The following ALG13 variants were observed in gnomAD, a reference collection of about 807,000 sequenced individuals.
ALG13 encodes ALG13 UDP-N-acetylglucosaminyltransferase subunit.
Under a neutral mutation model 87.8 loss-of-function variants are expected in ALG13, and 11 were observed. The observed-to-expected ratio is 0.13, with a 90% confidence interval of 0.08 to 0.21. The LOEUF (loss-of-function observed/expected upper bound fraction) is 0.21. Ranked by LOEUF, ALG13 falls within the 10% of genes least tolerant of loss-of-function variation. The pLI, the probability that ALG13 is intolerant of heterozygous loss-of-function variation, is 1.00. For missense variants in ALG13, 756 were observed against 866.1 expected (o/e 0.87, Z 1.60); for synonymous variants, 320 against 306.3 (o/e 1.04, Z -0.47).
chrX:111,749,879 C>T (rs1197195636), intron 24 of ALG13, among the ~76,000 whole-genome samples: 2 of 111,625 alleles, frequency 1.8e-5, no homozygotes, highest in African/African-American at 6.5e-5. Context: ...TGCCTCTTTC[C>T]TAGGTCATGC....
At chrX:111,720,201 A>T (rs369242566) in intron 11 of ALG13, 31 bp downstream of exon 11, 2 of 1,051,381 alleles carry the variant, frequency 1.9e-6, no homozygotes, top group East Asian at 3.2e-5. Flanking sequence ...AAGAATTTTC[A>T]TAGTCTTGGC....
intron 3 of ALG13, among the ~76,000 whole-genome samples, chrX:111,702,158 A>G (rs1486850048): frequency 8.9e-6 from 1 of 112,011 alleles, no homozygotes; most frequent in Admixed American, 9.4e-5. Context: ...GTTGGATTGA[A>G]TATTCTGTAT....
intron 24 of ALG13, among the ~76,000 whole-genome samples, chrX:111,751,850 A>C (rs1944782693): frequency 9.0e-6 from 1 of 111,618 alleles, no homozygotes; most frequent in South Asian, 3.7e-4. Context: ...ATATGTGTGG[A>C]TCTCAGGTCA....
intron 21 of ALG13, 92 bp downstream of exon 21, chrX:111,730,672 C>A: frequency 1.5e-6 from 1 of 686,858 alleles, no homozygotes; most frequent in Non-Finnish European, 2.2e-6. Flanking sequence ...TAAATCAGAA[C>A]AACCCTGTGA....
intron 23 of ALG13, among the ~76,000 whole-genome samples, chrX:111,737,795 A>G (rs1602834157): frequency 8.9e-6 from 1 of 112,648 alleles, no homozygotes; most frequent in Non-Finnish European, 1.9e-5. Flanking sequence ...AGGTGAGTGC[A>G]TGAGGCACAT....
intron 21 of ALG13, among the ~76,000 whole-genome samples, chrX:111,730,878 C>A (rs1942609026): frequency 8.9e-6 from 1 of 112,134 alleles, no homozygotes; most frequent in Non-Finnish European, 1.9e-5. Context: ...TGCTACATGT[C>A]TAGTAGAGGT....
chrX:111,737,638 G>T (rs1943364427), intron 23 of ALG13, among the ~76,000 whole-genome samples: 1 of 111,957 alleles, frequency 8.9e-6, no homozygotes, highest in Non-Finnish European at 1.9e-5. Context: ...TGCTATCAGG[G>T]TCTATGAGGG....
chrX:111,707,832 C>A (rs1939049966), intron 3 of ALG13, among the ~76,000 whole-genome samples, 195 bp from the exon 4 acceptor site: 1 of 111,948 alleles, frequency 8.9e-6, no homozygotes, highest in African/African-American at 3.3e-5. Flanking sequence ...GCTGCAAAGT[C>A]AGTTTCCTTC....
In ALG13 at chrX:111,681,452, C is replaced by T. The variant is rs1027723595; in HGVS notation, c.81+153C>T. ...GCCGCTGCCCCTTAGCTGGCTTCTG[C>T]CCACGCCCGGCGGGGCCCTTCTCCG... is the stretch of plus-strand genomic sequence containing the variant. On this transcript the variant is annotated intron_variant, in intron 1 of 26. Transcript: ENST00000394780. The T allele has an allele frequency of 1.5e-5, 16 of 1,099,911 alleles. No individual in the cohort carries two copies. The Admixed American group carries it at 4.7e-4, about 32-fold the overall frequency. 90.6% of individuals were successfully genotyped at this position (1,099,911 alleles called of 1,213,427 possible).
intron 24 of ALG13, among the ~76,000 whole-genome samples, chrX:111,749,948 G>A (rs992115725): frequency 9.0e-6 from 1 of 111,130 alleles, no homozygotes; most frequent in Non-Finnish European, 1.9e-5. Flanking sequence ...CACTGCTCTG[G>A]TACTATTCCA....
Position 111,759,915 on chromosome X carries a change from A to G in ALG13, c.3330A>G (p.Gln1110=), listed in dbSNP as rs761412613. ...GTACAGCATATGGTGGTTCTTCTCAAATTCATGGTGCTATAAATCCTGGGC... is the reference window on the plus strand; with the variant it reads ...GTACAGCATATGGTGGTTCTTCTCAGATTCATGGTGCTATAAATCCTGGGC... ...PVGTAYGGSS[Q]IHGAINPGPI... is the part of the protein sequence containing the mutation. Residue 1110 remains glutamine, a synonymous_variant, in exon 27 of 27, where the codon CAA becomes CAG. Transcript: ENST00000394780. The G allele has an allele frequency of 7.4e-6, 9 of 1,210,450 alleles. No individual in the cohort carries two copies. The highest frequency in any genetic ancestry group is 3.5e-5 in the South Asian group (2 of 56,888).
At chrX:111,703,498 G>C (rs995324045) in intron 3 of ALG13, among the ~76,000 whole-genome samples, 2 of 111,321 alleles carry the variant, frequency 1.8e-5, no homozygotes, top group African/African-American at 3.3e-5. Flanking sequence ...AACAGTTCCA[G>C]TGCCCCCATT....
At chrX:111,699,894 ATT>A (rs1192602828) in intron 3 of ALG13, among the ~76,000 whole-genome samples, 2 of 103,974 alleles carry the variant, frequency 1.9e-5, no homozygotes, top group Admixed American at 2.1e-4. Flanking sequence ...AAATTTAAGG[ATT>A]TTTTTTTTTC....
At position 111,718,138 on chromosome X, in the gene ALG13, G is replaced by A. The variant is rs2148112840; in HGVS notation, c.1114G>A (p.Asp372Asn). 7.7e-6 allele frequency: 9 copies of A among 1,166,351 alleles called. No homozygotes were observed. Among genetic ancestry groups the A allele is most frequent in the Admixed American group, 2.6e-5 (1 of 38,702 alleles). The change falls in exon 10 of 27, where the codon GAT becomes AAT. Residue 372 changes from aspartate to asparagine, a missense_variant. Physicochemically the swap from Asp to Asn is conservative, Grantham distance 23. Around this residue, in one of 9 missense-constraint regions of ALG13, gnomAD observed 48 missense variants for 50.5 expected, o/e 0.95. Coordinates refer to ENST00000394780, the MANE Select transcript of ALG13 (RefSeq NM_001099922.3). ...TGTATTGTACGAAATTCTCTATAAA[G>A]ATGTGTTTGTTGTGGATGAAGAAGA... Reference protein sequence around the residue: ...QAVLYEILYKDVFVVDEEELK... With the variant: ...QAVLYEILYKNVFVVDEEELK...
rs975929745 is a variant in ALG13 at position 111,710,324 on chromosome X, C to T, written c.834+1276C>T. Among the ~76,000 whole-genome samples, 7 of 111,231 alleles carry T rather than the reference C, an allele frequency of 6.3e-5. No homozygotes were observed. The Admixed American group carries it at 6.7e-4, about 11-fold the overall frequency. On this transcript the variant is annotated intron_variant, in intron 5 of 26. Transcript: ENST00000394780. ...CTGGGACTACAAGTGTGAGCCACTG[C>T]GTGCAGTGGAGATTTCTGCATTTTT...
intron 25 of ALG13, among the ~76,000 whole-genome samples, chrX:111,756,941 C>T (rs3027821): frequency 8.9e-6 from 1 of 111,794 alleles, no homozygotes; most frequent in Admixed American, 9.5e-5. Context: ...TAATCTATTT[C>T]ACTGAGGCAT....
Position 111,718,199 on chromosome X carries a change from C to T in ALG13, c.1175C>T (p.Ser392Phe). Reference protein sequence around the residue: ...KTAIKLFRSGSKKNRNNAVTG... With the variant: ...KTAIKLFRSGFKKNRNNAVTG... ...GCGATTAAATTGTTTCGAAGTGGTTCTAAGAAGAACAGAAATAATGCTGTA... is the reference window on the plus strand; with the variant it reads ...GCGATTAAATTGTTTCGAAGTGGTTTTAAGAAGAACAGAAATAATGCTGTA... The change falls in exon 10 of 27, where the codon TCT becomes TTT. Residue 392 changes from serine to phenylalanine, a missense_variant. By Grantham distance (155) the Ser-to-Phe change is radical. Around this residue, in one of 9 missense-constraint regions of ALG13, gnomAD observed 48 missense variants for 50.5 expected, o/e 0.95. Coordinates refer to ENST00000394780, the MANE Select transcript of ALG13 (RefSeq NM_001099922.3). The T allele has an allele frequency of 8.5e-7, 1 of 1,181,621 alleles. No homozygotes were observed. The highest frequency in any genetic ancestry group is 1.1e-6 in the Non-Finnish European group (1 of 878,884).
At chrX:111,758,926 A>G (rs767783620) in intron 26 of ALG13, among the ~76,000 whole-genome samples, 1 of 111,479 alleles carries the variant, frequency 9.0e-6, no homozygotes, top group Non-Finnish European at 1.9e-5. Context: ...TTGTTATAAG[A>G]ACTAATTGGG....
chrX:111,754,702 G>A (rs1041510464), intron 25 of ALG13, among the ~76,000 whole-genome samples: 3 of 111,150 alleles, frequency 2.7e-5, no homozygotes, highest in Non-Finnish European at 3.8e-5. Flanking sequence ...AAATACCTAG[G>A]AATCCAACTT....
Sources: allele counts gnomAD v4.1 joint callset (sites outside exome capture counted in the v4.1 genomes callset), GRCh38; gene constraint gnomAD v4.1.1; regional missense constraint gnomAD v4.1.1; transcripts MANE v1.5; gene names NCBI Gene and HGNC (gene_info 2026-07-23, HGNC 2026-07-21).